Variants in BTBD9 observed in about 807,000 individuals in gnomAD.
BTBD9 encodes the protein BTB/POZ domain-containing protein 9.
A neutral mutation model predicts 64.3 loss-of-function variants in BTBD9; 49 were observed. The ratio of observed to expected loss-of-function variants is 0.76; its 90% CI spans 0.61 to 0.97. The LOEUF is 0.97. Ranked by LOEUF, BTBD9 falls within the 50% of genes least tolerant of loss-of-function variation. The pLI is 0.00. For missense variants in BTBD9, 598 were observed against 762.1 expected (o/e 0.78, Z 2.53); for synonymous variants, 260 against 274.7 (o/e 0.95, Z 0.53).
chr6:38,438,209 AGGGAGGGAGGGAGG>A (rs1768833798), intron 6 of BTBD9, among the ~76,000 whole-genome samples: 1 of 38,704 alleles, frequency 2.6e-5, no homozygotes, highest in African/African-American at 1.4e-4. Context: ...GAAAGGAAGG[AGGGAGGGAGGGAGG>A]GAGGGAGGGA....
At chr6:38,530,505 C>CA (rs1554166635) in intron 6 of BTBD9, among the ~76,000 whole-genome samples, 1 of 143,112 alleles carries the variant, frequency 7.0e-6, no homozygotes, top group Non-Finnish European at 1.6e-5. Context: ...CTTCTGGTGG[C>CA]CCAACTGTAA....
rs531611945 is a variant in BTBD9, at chr6:38,610,938, A to G, written c.-27-12817T>C. Among the ~76,000 whole-genome samples, 15 of 152,210 alleles carry G rather than the reference A, an allele frequency of 9.9e-5. No homozygotes were observed. The South Asian group carries it at 2.9e-3, about 29-fold the overall frequency. On this transcript the variant is annotated intron_variant, in intron 1 of 10. Coordinates refer to ENST00000481247, the MANE Select transcript of BTBD9 (RefSeq NM_001099272.2). ...GGGGTGGGGGGGGGACTAAACGTCC[A>G]TCAATACGGTGAATGGAAAATATAT... is the stretch of plus-strand genomic sequence containing the variant.
At chr6:38,267,735 C>T (rs62397019) in intron 8 of BTBD9, among the ~76,000 whole-genome samples, 51,854 of 152,022 alleles carry the variant, frequency 0.34, 9,561 homozygotes, top group Non-Finnish European at 0.42. Context: ...GTCAGGAGAT[C>T]GAAACCATCT....
intron 6 of BTBD9, among the ~76,000 whole-genome samples, chr6:38,487,724 C>T (rs939423082): frequency 5.3e-5 from 8 of 151,842 alleles, no homozygotes; most frequent in South Asian, 4.2e-4. Context: ...GGAGGGGAAT[C>T]GAGTTTGCAA....
At chr6:38,456,573 C>T (rs1769820528) in intron 6 of BTBD9, among the ~76,000 whole-genome samples, 1 of 152,040 alleles carries the variant, frequency 6.6e-6, no homozygotes, top group South Asian at 2.1e-4. Context: ...TTTTTGTTAT[C>T]TCAGTGTGGT....
At chr6:38,191,324 G>A (rs1182531300) in intron 10 of BTBD9, among the ~76,000 whole-genome samples, 1 of 152,330 alleles carries the variant, frequency 6.6e-6, no homozygotes, top group East Asian at 1.9e-4. Context: ...ACCTTGATGT[G>A]TTCTGGGGAA....
chr6:38,288,556 A>C, intron 7 of BTBD9, 95 bp from the exon 8 acceptor site: 4 of 954,828 alleles, frequency 4.2e-6, no homozygotes, highest in Non-Finnish European at 6.3e-6. Flanking sequence ...TTGCTATCTC[A>C]AATCAATGAT....
intron 7 of BTBD9, among the ~76,000 whole-genome samples, chr6:38,314,992 G>T (rs1219702640): frequency 6.6e-6 from 1 of 152,084 alleles, no homozygotes; most frequent in Non-Finnish European, 1.5e-5. Flanking sequence ...GGGACTACAG[G>T]CGCCCGCCAC....
rs1028504118 is a variant in BTBD9 at position 38,201,365 on chromosome 6, C to T, written c.1563-8768G>A. Among the ~76,000 whole-genome samples the T allele has an allele frequency of 3.3e-5, 5 of 152,276 alleles. No homozygotes were observed. The East Asian group carries it at 9.6e-4, about 29-fold the overall frequency. On this transcript the variant is annotated intron_variant, in intron 9 of 10. Coordinates refer to ENST00000481247, the MANE Select transcript of BTBD9 (RefSeq NM_001099272.2). ...AACCATATGATCATTTCAATAGACACAGAAAAAGCATTTAATAGAATTCAA... is the reference window on the plus strand; with the variant it reads ...AACCATATGATCATTTCAATAGACATAGAAAAAGCATTTAATAGAATTCAA...
At chr6:38,214,096 T>C (rs1762928454) in intron 9 of BTBD9, among the ~76,000 whole-genome samples, 1 of 152,216 alleles carries the variant, frequency 6.6e-6, no homozygotes, top group South Asian at 2.1e-4. Context: ...CTCTCTGGTG[T>C]TGATGACTTT....
chr6:38,380,103 T>C (rs1015922017), intron 6 of BTBD9, among the ~76,000 whole-genome samples: 10 of 152,166 alleles, frequency 6.6e-5, no homozygotes, highest in African/African-American at 2.4e-4. Flanking sequence ...TTAGTACTAT[T>C]TGACTTTTTA....
At chr6:38,557,945 T>C (rs1052384057) in intron 6 of BTBD9, among the ~76,000 whole-genome samples, 2 of 152,150 alleles carry the variant, frequency 1.3e-5, no homozygotes, top group African/African-American at 4.8e-5. Flanking sequence ...GAAATGAAGA[T>C]AATAAATAAG....
chr6:38,638,031 A>C (rs1035720031), intron 1 of BTBD9, among the ~76,000 whole-genome samples: 14 of 152,136 alleles, frequency 9.2e-5, no homozygotes, highest in African/African-American at 3.1e-4. Flanking sequence ...CCAGACATAA[A>C]AGTCGTCTTG....
intron 6 of BTBD9, among the ~76,000 whole-genome samples, chr6:38,420,764 G>A (rs970163015): frequency 1.3e-5 from 2 of 152,060 alleles, no homozygotes; most frequent in African/African-American, 4.8e-5. Context: ...GCCGAGGCAG[G>A]AGAATCACTT....
chr6:38,397,687 A>G (rs1027455126), intron 6 of BTBD9, among the ~76,000 whole-genome samples: 2 of 152,244 alleles, frequency 1.3e-5, no homozygotes, highest in African/African-American at 4.8e-5. Context: ...GCTAAGAAAG[A>G]GTGTGCAGAG....
intron 6 of BTBD9, among the ~76,000 whole-genome samples, chr6:38,490,091 CA>C (rs2127390160): frequency 6.6e-6 from 1 of 152,272 alleles, no homozygotes; most frequent in Non-Finnish European, 1.5e-5. Flanking sequence ...GTAAGTCCCC[CA>C]AATCTGCACA....
At chr6:38,606,406 T>C (rs1194955993) in intron 1 of BTBD9, among the ~76,000 whole-genome samples, 1 of 152,140 alleles carries the variant, frequency 6.6e-6, no homozygotes, top group East Asian at 1.9e-4. Context: ...AATATAACAT[T>C]GTCAACACAA....
intron 6 of BTBD9, among the ~76,000 whole-genome samples, chr6:38,415,488 C>T (rs370363681): frequency 6.6e-6 from 1 of 152,190 alleles, no homozygotes; most frequent in South Asian, 2.1e-4. Flanking sequence ...GATTTTAGCC[C>T]AGTGAGACCC....
chr6:38,588,022 T>C, intron 4 of BTBD9: 1 of 738,268 alleles, frequency 1.4e-6, no homozygotes, highest in Non-Finnish European at 2.5e-6. Context: ...AACCACCATA[T>C]ACAGAAGCTA....
Sources: allele counts gnomAD v4.1 joint callset (sites outside exome capture counted in the v4.1 genomes callset), GRCh38; gene constraint gnomAD v4.1.1; transcripts MANE v1.5; gene names NCBI Gene and HGNC (gene_info 2026-07-23, HGNC 2026-07-21).